The following CTNNA2 variants were observed in gnomAD, a reference collection of about 807,000 sequenced individuals.
CTNNA2 encodes the protein catenin alpha-2.
A neutral mutation model predicts 101.0 loss-of-function variants in CTNNA2; 42 were observed. The ratio of observed to expected loss-of-function variants is 0.42; its 90% CI spans 0.32 to 0.54. The LOEUF is 0.54. CTNNA2 is among the 20% of genes least tolerant of loss of function. The pLI is 0.14. For synonymous variants in CTNNA2, 450 were observed against 456.4 expected, an observed-to-expected ratio of 0.99 and a Z score of 0.18; for missense variants, 871 against 1,223.1, an observed-to-expected ratio of 0.71 and a Z score of 4.29.
intron 1 of CTNNA2, among the ~76,000 whole-genome samples, chr2:79,595,258 C>A (rs552294844): frequency 6.6e-6 from 1 of 152,270 alleles, no homozygotes; most frequent in African/African-American, 2.4e-5. Context: ...CTCCAGGTCC[C>A]ATTTTTCACC....
At chr2:80,195,589 C>A (rs559515998) in intron 7 of CTNNA2, among the ~76,000 whole-genome samples, 1 of 151,660 alleles carries the variant, frequency 6.6e-6, no homozygotes, top group Admixed American at 6.6e-5. Context: ...TCCATCCAAG[C>A]CCATGGTGGA....
At chr2:79,349,026 T>C in intron 3 of CTNNA2, among the ~76,000 whole-genome samples, 1 of 152,206 alleles carries the variant, frequency 6.6e-6, no homozygotes, top group East Asian at 1.9e-4. Flanking sequence ...AATATTAAGA[T>C]AGAAGTCATG....
At chr2:79,906,897 G>A (rs2104307969) in intron 6 of CTNNA2, among the ~76,000 whole-genome samples, 1 of 152,284 alleles carries the variant, frequency 6.6e-6, no homozygotes, top group African/African-American at 2.4e-5. Flanking sequence ...AACATATTTG[G>A]CCAGGGAACC....
intron 3 of CTNNA2, among the ~76,000 whole-genome samples, chr2:79,338,216 A>G (rs934206031): frequency 2.0e-5 from 3 of 148,032 alleles, no homozygotes; most frequent in African/African-American, 7.5e-5. Flanking sequence ...ACTGCACTCC[A>G]GCCTGGGTGA....
At chr2:79,635,866 A>G (rs1181492749) in intron 1 of CTNNA2, among the ~76,000 whole-genome samples, 2 of 151,940 alleles carry the variant, frequency 1.3e-5, no homozygotes, top group African/African-American at 4.8e-5. Flanking sequence ...TTGTGGAAAG[A>G]TGAGTTCACT....
chr2:79,260,220 A>G (rs1674902271), intron 2 of CTNNA2, among the ~76,000 whole-genome samples: 1 of 152,110 alleles, frequency 6.6e-6, no homozygotes, highest in Non-Finnish European at 1.5e-5. Context: ...ACCTTGCCTC[A>G]TTACTATCAG....
At chr2:79,230,943 G>A (rs1314483854) in intron 2 of CTNNA2, among the ~76,000 whole-genome samples, 2 of 152,172 alleles carry the variant, frequency 1.3e-5, no homozygotes, top group African/African-American at 4.8e-5. Flanking sequence ...CTCCCATTTG[G>A]AATGGCTGTA....
At chr2:79,642,993 C>A (rs111259381) in intron 1 of CTNNA2, among the ~76,000 whole-genome samples, 59 of 152,030 alleles carry the variant, frequency 3.9e-4, no homozygotes, top group Admixed American at 1.4e-3. Flanking sequence ...GAGATTGAGA[C>A]CATCCTGGCC....
chr2:80,613,247 A>G (rs768988217), intron 17 of CTNNA2, among the ~76,000 whole-genome samples: 5 of 151,476 alleles, frequency 3.3e-5, no homozygotes, highest in Non-Finnish European at 7.4e-5. Context: ...CCTTAGTTAC[A>G]TTCATACCAG....
intron 3 of CTNNA2, among the ~76,000 whole-genome samples, chr2:79,777,473 T>G (rs1306516240): frequency 6.6e-6 from 1 of 151,878 alleles, no homozygotes. Context: ...TTCTTAAGAG[T>G]AGCCGAGAGA....
chr2:79,389,548 T>C (rs574105498), intron 4 of CTNNA2, among the ~76,000 whole-genome samples: 8 of 152,326 alleles, frequency 5.3e-5, no homozygotes, highest in African/African-American at 1.7e-4. Context: ...GAATTATTGT[T>C]GTTTTCAGTT....
chr2:79,851,012 T>C (rs1243971976), intron 3 of CTNNA2, among the ~76,000 whole-genome samples: 1 of 152,202 alleles, frequency 6.6e-6, no homozygotes, highest in African/African-American at 2.4e-5. Flanking sequence ...TGTTTGCAAA[T>C]GTAGTTAGAG....
intron 3 of CTNNA2, among the ~76,000 whole-genome samples, chr2:79,821,453 A>G (rs1678001141): frequency 6.6e-6 from 1 of 152,128 alleles, no homozygotes; most frequent in Non-Finnish European, 1.5e-5. Flanking sequence ...AAGCAGTCCT[A>G]TTGCCTTGGC....
intron 2 of CTNNA2, among the ~76,000 whole-genome samples, chr2:79,701,484 T>C (rs1055344378): frequency 6.6e-6 from 1 of 152,168 alleles, no homozygotes; most frequent in African/African-American, 2.4e-5. Context: ...CAACAATATT[T>C]ACTGAGCACC....
chr2:79,452,173 C>G (rs1472207521), intron 4 of CTNNA2, among the ~76,000 whole-genome samples: 1 of 152,046 alleles, frequency 6.6e-6, no homozygotes, highest in Non-Finnish European at 1.5e-5. Flanking sequence ...TTTATCACTG[C>G]CCCAAAGAAG....
intron 15 of CTNNA2, chr2:80,601,914 AG>A (rs1360124841): frequency 1.3e-5 from 2 of 152,032 alleles, no homozygotes; most frequent in East Asian, 3.9e-4. Flanking sequence ...ACGTTACTTT[AG>A]CTGTTAAGAA....
chr2:79,895,804 C>T (rs1007915728), intron 6 of CTNNA2, among the ~76,000 whole-genome samples: 2 of 151,346 alleles, frequency 1.3e-5, no homozygotes, highest in South Asian at 2.1e-4. Context: ...GTTTATCCAC[C>T]GACTTAAAAA....
chr2:79,202,523 G>A (rs1262407016), intron 2 of CTNNA2, among the ~76,000 whole-genome samples: 1 of 151,894 alleles, frequency 6.6e-6, no homozygotes, highest in Non-Finnish European at 1.5e-5. Context: ...AAGAAAGATT[G>A]CGTGAATGCA....
chr2:80,476,242 G>T (rs143619896), intron 9 of CTNNA2, among the ~76,000 whole-genome samples: 6 of 152,166 alleles, frequency 3.9e-5, no homozygotes, highest in Admixed American at 1.3e-4. Flanking sequence ...GAGCTTTTTG[G>T]CTCTCGGGGA....
Sources: gnomAD v4.1 joint callset for allele counts (sites outside exome capture counted in the v4.1 genomes callset) on GRCh38, gnomAD v4.1.1 for gene constraint, MANE v1.5 for transcripts, NCBI Gene and HGNC (gene_info 2026-07-23, HGNC 2026-07-21) for gene names.